The following HMGN2 variants were observed in gnomAD, a reference collection of about 807,000 sequenced individuals.
The protein encoded by HMGN2 is non-histone chromosomal protein HMG-17.
HMGN2 carries 2 observed loss-of-function variants against 16.9 expected under a neutral mutation model. That is an observed-to-expected ratio of 0.12 (90% CI 0.05 to 0.37). The LOEUF (loss-of-function observed/expected upper bound fraction) is 0.37, where lower values mean the gene tolerates loss of function less well. Ranked by LOEUF, HMGN2 falls within the 10% of genes least tolerant of loss-of-function variation. The pLI, the probability that HMGN2 is intolerant of heterozygous loss-of-function variation, is 1.00. For synonymous variants in HMGN2, 31 were observed against 34.9 expected (o/e 0.89, Z 0.39); for missense variants, 90 against 106.0 (o/e 0.85, Z 0.66).
rs2075608287 is a variant in HMGN2 at position 26,476,224 on chromosome 1, T to G, written c.*1076T>G. ...GGTTATGCAGCATTCCCTGCAGTGT[T>G]TGTTTTTTGCATGACTCCGAATACA... On this transcript the variant is annotated 3_prime_UTR_variant, in exon 6 of 6. Coordinates refer to ENST00000361427, the MANE Select transcript of HMGN2 (RefSeq NM_005517.4). Among the ~76,000 whole-genome samples, 1 of 152,220 alleles carries G rather than the reference T, an allele frequency of 6.6e-6. No homozygotes were observed. Among genetic ancestry groups the G allele is most frequent in the African/African-American group, 2.4e-5 (1 of 41,446 alleles).
chr1:26,474,122 A>G lies in HMGN2; in HGVS notation c.128A>G (p.Lys43Arg). 4.4e-6 allele frequency: 7 copies of G among 1,608,904 alleles called. No homozygotes were observed. The highest frequency in any genetic ancestry group is 5.9e-6 in the Non-Finnish European group (7 of 1,178,366). The change falls in exon 4 of 6, where the codon AAG becomes AGG. Residue 43 changes from lysine to arginine, a missense_variant. Coordinates refer to ENST00000361427, the MANE Select transcript of HMGN2 (RefSeq NM_005517.4). ...CCAAAGCCAGAGCCCAAGCCTAAAA[A>G]GGCCCCTGCAAAGGTAAGTGCTAAC... Reference protein sequence around the residue: ...APPKPEPKPKKAPAKKGEKVP... With the variant: ...APPKPEPKPKRAPAKKGEKVP...
intron 3 of HMGN2, 95 bp downstream of exon 3, chr1:26,473,827 T>A (rs2075591463): frequency 7.8e-7 from 1 of 1,284,324 alleles, no homozygotes; most frequent in African/African-American, 1.5e-5. Context: ...GGTTAGTGCC[T>A]GGTTTTGAAT....
chr1:26,473,332 TCGTTCTTATACGAACGTCG>T (rs1313060524), intron 1 of HMGN2, 132 bp from the exon 2 acceptor site: 1 of 620,756 alleles, frequency 1.6e-6, no homozygotes, highest in East Asian at 2.8e-5. Context: ...TGCGCGCGCT[TCGTTCTTATACGAACGTCG>T]GGCTCACTCA....
At position 26,473,495 on chromosome 1, in the gene HMGN2, G is replaced by A; in HGVS notation, c.28G>A (p.Ala10Thr). The stretch of plus-strand genomic sequence containing the variant: ...TTGTTTCTTATAGGCTGAAGGGGAT[G>A]CTAAGGGAGATAAAGCAAAGGTGAA... MPKRKAEGD[A>T]KGDKAKVKDE... is the part of the protein sequence containing the mutation. Residue 10 changes from alanine (A) to threonine (T), a missense_variant, in exon 2 of 6, where the codon GCT (alanine) becomes ACT (threonine). Transcript: ENST00000361427. 1 of 1,613,188 alleles carries A rather than the reference G, an allele frequency of 6.2e-7. No homozygotes were observed. Among genetic ancestry groups the A allele is most frequent in the Non-Finnish European group, 8.5e-7 (1 of 1,179,102 alleles).
rs563257307 is a variant in HMGN2 at position 26,475,966 on chromosome 1, C to T, written c.*818C>T. ...TTTAATAAAGCTGGATACAGTTTGG[C>T]TTGGAATGCTGCCTCTGATCTTTTC... On this transcript the variant is annotated 3_prime_UTR_variant, in exon 6 of 6. Coordinates refer to ENST00000361427, the MANE Select transcript of HMGN2 (RefSeq NM_005517.4). 1 of 293,276 alleles carries T rather than the reference C, an allele frequency of 3.4e-6. No homozygotes were observed. Among genetic ancestry groups the T allele is most frequent in the African/African-American group, 2.3e-5 (1 of 44,132 alleles). 18.2% of individuals were successfully genotyped at this position (293,276 alleles called of 1,614,324 possible).
chr1:26,476,311 G>C lies in HMGN2; in HGVS notation c.*1163G>C, dbSNP rs138257770. On this transcript the variant is annotated 3_prime_UTR_variant, in exon 6 of 6. Transcript: ENST00000361427. ...GGTTTTGGCTGGGTAGCTGACAGGA[G>C]CCTCTCTACTTCCATCTGCATTTGC... 2.0e-5 allele frequency among the ~76,000 whole-genome samples: 3 copies of C among 152,168 alleles called. No individual in the cohort carries two copies. The highest frequency in any genetic ancestry group is 7.2e-5 in the African/African-American group (3 of 41,424).
intron 5 of HMGN2, 56 bp from the exon 6 acceptor site, chr1:26,475,057 G>T: frequency 7.0e-7 from 1 of 1,434,188 alleles, no homozygotes; most frequent in South Asian, 1.2e-5. Context: ...GGTGGAATGT[G>T]AACACAGATA....
Position 26,472,452 on chromosome 1 carries a change from T to C in HMGN2, c.-161T>C, listed in dbSNP as rs574695509. 1.5e-3 allele frequency: 1,305 copies of C among 847,690 alleles called. 15 individuals carry two copies. The highest frequency in any genetic ancestry group is 8.6e-4 in the Non-Finnish European group (470 of 544,336). The allele number at this position is 847,690 out of a possible 1,614,324, so 52.5% of individuals were successfully genotyped here. On this transcript the variant is annotated 5_prime_UTR_variant, in exon 1 of 6. Transcript: ENST00000361427. ...GGCGGCGGGAGGTGAAATCCGGTTC[T>C]AACCGGTCCGGGGCTCCCAGCGCTA...
intron 1 of HMGN2, 197 bp from the exon 2 acceptor site, chr1:26,473,286 A>G (rs1187391897): frequency 8.4e-6 from 5 of 592,956 alleles, no homozygotes; most frequent in East Asian, 5.7e-5. Flanking sequence ...GCTCCGGTCC[A>G]GCCCTCGCTT....
rs752918856 is a variant in HMGN2 at position 26,473,457 on chromosome 1, C to T, written c.16-26C>T. On this transcript the variant is annotated intron_variant, in intron 1 of 5. Coordinates refer to ENST00000361427, the MANE Select transcript of HMGN2 (RefSeq NM_005517.4). ...TAATTAAGAACCACCTCAAAATCTGCAGTTTTTTGTTCTTGTTTCTTATAG... is the reference window on the plus strand; with the variant it reads ...TAATTAAGAACCACCTCAAAATCTGTAGTTTTTTGTTCTTGTTTCTTATAG... The T allele has an allele frequency of 3.2e-6, 5 of 1,581,974 alleles. 1 individual carries two copies. The highest frequency in any genetic ancestry group is 2.7e-5 in the African/African-American group (2 of 74,198).
intron 4 of HMGN2, among the ~76,000 whole-genome samples, 146 bp from the exon 5 acceptor site, chr1:26,474,419 ATTTAGCC>A (rs2075594982): frequency 6.6e-6 from 1 of 152,230 alleles, no homozygotes; most frequent in Non-Finnish European, 1.5e-5. Context: ...ATTACAGATA[ATTTAGCC>A]TAGTTTTGAT....
intron 1 of HMGN2, chr1:26,473,191 C>G (rs1272649096): frequency 2.3e-6 from 1 of 427,976 alleles, no homozygotes; most frequent in African/African-American, 2.1e-5. Context: ...TGGGCTCCGC[C>G]TCCGGAGGGG....
intron 5 of HMGN2, 166 bp from the exon 6 acceptor site, chr1:26,474,947 G>A: frequency 3.2e-6 from 2 of 633,926 alleles, no homozygotes; most frequent in Non-Finnish European, 5.7e-6. Flanking sequence ...CCAGAGGAGA[G>A]GTGACTTAGC....
At chr1:26,473,666 C>T in intron 2 of HMGN2, 37 bp from the exon 3 acceptor site, 4 of 1,611,102 alleles carry the variant, frequency 2.5e-6, no homozygotes, top group Non-Finnish European at 3.4e-6. Flanking sequence ...AAGCGACTTA[C>T]CTGTCCTATT....
At position 26,476,354 on chromosome 1, in the gene HMGN2, C is replaced by T. The variant is rs1241066136; in HGVS notation, c.*1206C>T. Among the ~76,000 whole-genome samples, 1 of 152,158 alleles carries T rather than the reference C, an allele frequency of 6.6e-6. No individual in the cohort carries two copies. Among genetic ancestry groups the T allele is most frequent in the Non-Finnish European group, 1.5e-5 (1 of 68,030 alleles). On this transcript the variant is annotated 3_prime_UTR_variant, in exon 6 of 6. Coordinates refer to ENST00000361427, the MANE Select transcript of HMGN2 (RefSeq NM_005517.4). ...GCATTTGCAACTTCTATAAAATTAGCAAATTAATAGACTCATGTCAGAGAG... is the reference window on the plus strand; with the variant it reads ...GCATTTGCAACTTCTATAAAATTAGTAAATTAATAGACTCATGTCAGAGAG...
chr1:26,475,185 A>G lies in HMGN2; in HGVS notation c.*37A>G, dbSNP rs2075599797. ...TTTTGATAACTGTGTACTTCTGGTG[A>G]CTGTACAGTTTGAAATACTATTTTT... On this transcript the variant is annotated 3_prime_UTR_variant, in exon 6 of 6. Coordinates refer to ENST00000361427, the MANE Select transcript of HMGN2 (RefSeq NM_005517.4). The G allele has an allele frequency of 7.6e-7, 1 of 1,308,802 alleles. No homozygotes were observed. Among genetic ancestry groups the G allele is most frequent in the Admixed American group, 1.9e-5 (1 of 52,884 alleles). The allele number at this position is 1,308,802 out of a possible 1,614,324, so 81.1% of individuals were successfully genotyped here.
intron 1 of HMGN2, 60 bp downstream of exon 1, chr1:26,472,687 T>C: frequency 6.9e-7 from 1 of 1,439,028 alleles, no homozygotes; most frequent in Non-Finnish European, 9.3e-7. Context: ...CGCCGCCGCC[T>C]CCCTGGTGCA....
At position 26,473,694 on chromosome 1, in the gene HMGN2, CT is replaced by C; in HGVS notation, c.61-6del. On this transcript the variant is annotated splice_polypyrimidine_tract_variant and splice_region_variant and intron_variant, in intron 2 of 5. Coordinates refer to ENST00000361427, the MANE Select transcript of HMGN2 (RefSeq NM_005517.4). The stretch of plus-strand genomic sequence containing the variant: ...GTCCTATTTCTAACTTTCTCGTTGT[CT>C]TTAATAGCCACAGAGAAGATCCGCG... 6.2e-7 allele frequency: 1 copy of C among 1,613,958 alleles called. No homozygotes were observed. The highest frequency in any genetic ancestry group is 8.5e-7 in the Non-Finnish European group (1 of 1,179,892).
chr1:26,473,425 T>C, intron 1 of HMGN2, 58 bp from the exon 2 acceptor site: 12 of 1,233,256 alleles, frequency 9.7e-6, no homozygotes, highest in Non-Finnish European at 1.4e-5. Flanking sequence ...CTCTAAAGTT[T>C]GGGAAGTAAT....
Sources: allele counts gnomAD v4.1 joint callset (sites outside exome capture counted in the v4.1 genomes callset), GRCh38; gene constraint gnomAD v4.1.1; transcripts MANE v1.5; gene names NCBI Gene and HGNC (gene_info 2026-07-23, HGNC 2026-07-21).